Variants in PRDM10 observed in about 807,000 individuals in gnomAD.
PRDM10 encodes the protein PR/SET domain 10.
Under a neutral mutation model 133.1 loss-of-function variants are expected in PRDM10, and 65 were observed. The ratio of observed to expected loss-of-function variants is 0.49; its 90% CI spans 0.40 to 0.60. The LOEUF is 0.60. Ranked by LOEUF, PRDM10 falls within the 20% of genes least tolerant of loss-of-function variation. The probability of loss-of-function intolerance (pLI) is 0.00; values close to 1 mark genes in which losing one functional copy is unlikely to be tolerated. For missense variants in PRDM10, 1,137 were observed against 1,507.1 expected (o/e 0.75, Z 4.07); for synonymous variants, 582 against 580.4 (o/e 1.00, Z -0.04).
chr11:129,927,080 CCTGTAACCCCAGGG>C (rs1272721658), intron 11 of PRDM10, among the ~76,000 whole-genome samples: 1 of 147,554 alleles, frequency 6.8e-6, no homozygotes, highest in African/African-American at 2.5e-5. Context: ...GTAGCAGGCA[CCTGTAACCCCAGGG>C]CTGTAATCCC....
chr11:129,910,236 A>G lies in PRDM10; in HGVS notation c.3163+240T>C, dbSNP rs141143808. On this transcript the variant is annotated intron_variant, in intron 19 of 20. Coordinates refer to ENST00000360871, the MANE Select transcript of PRDM10 (RefSeq NM_199437.2). ...TCCAACTATCTTACTATTTAATTTC[A>G]TAGCTACATTTCCTCCAGCAATATA... Among the ~76,000 whole-genome samples, 301 of 152,356 alleles carry G rather than the reference A, an allele frequency of 2.0e-3. 1 individual carries two copies. The highest frequency in any genetic ancestry group is 7.0e-3 in the African/African-American group (291 of 41,586).
At position 129,945,089 on chromosome 11, in the gene PRDM10, G is replaced by A. The variant is rs747125951; in HGVS notation, c.521-77C>T. 1.3e-4 allele frequency: 207 copies of A among 1,556,666 alleles called. No individual in the cohort carries two copies. The highest frequency in any genetic ancestry group is 3.1e-4 in the Admixed American group (15 of 47,936). On this transcript the variant is annotated intron_variant, in intron 5 of 20. Transcript: ENST00000360871. The surrounding 1 kb of genome is among the most constrained non-coding windows in gnomAD (Gnocchi z 4.2). ...GATGTGAGGTAAAAAATTCTGACCCGAAAAATCCCCGTCTGCATTTTCAAG... is the reference window on the plus strand; with the variant it reads ...GATGTGAGGTAAAAAATTCTGACCCAAAAAATCCCCGTCTGCATTTTCAAG...
chr11:129,981,827 T>C (rs1233366472), intron 1 of PRDM10, among the ~76,000 whole-genome samples: 1 of 151,722 alleles, frequency 6.6e-6, no homozygotes, highest in African/African-American at 2.4e-5. Flanking sequence ...ACCTGGGAGG[T>C]GAAGGTTGCA....
intron 1 of PRDM10, among the ~76,000 whole-genome samples, chr11:130,001,288 C>A (rs1483111614): frequency 2.0e-5 from 3 of 151,432 alleles, no homozygotes; most frequent in Non-Finnish European, 4.4e-5. Flanking sequence ...TAGGAAGATA[C>A]AAAAAAAATA....
chr11:129,989,878 AGACT>A (rs771639910), intron 1 of PRDM10, among the ~76,000 whole-genome samples: 1 of 152,204 alleles, frequency 6.6e-6, no homozygotes, highest in Non-Finnish European at 1.5e-5. Context: ...TAGTTCAAAC[AGACT>A]GAACCAAGCC....
intron 20 of PRDM10, among the ~76,000 whole-genome samples, chr11:129,903,703 C>T (rs1269116527): frequency 6.6e-6 from 1 of 152,118 alleles, no homozygotes; most frequent in East Asian, 1.9e-4. Flanking sequence ...AGAGCCATCG[C>T]CAAATACCCA....
intron 1 of PRDM10, among the ~76,000 whole-genome samples, chr11:129,971,870 C>T (rs1285498106): frequency 1.3e-5 from 2 of 152,226 alleles, no homozygotes; most frequent in East Asian, 1.9e-4. Context: ...GGACTGGGTG[C>T]CGTAGAGCAG....
intron 10 of PRDM10, 83 bp downstream of exon 10, chr11:129,932,019 G>T: frequency 5.4e-6 from 8 of 1,484,436 alleles, no homozygotes; most frequent in Non-Finnish European, 7.3e-6. Flanking sequence ...CATTGGGAAG[G>T]TCTTTGTACT....
intron 1 of PRDM10, among the ~76,000 whole-genome samples, chr11:129,971,180 C>G (rs183258475): frequency 7.2e-5 from 11 of 152,064 alleles, no homozygotes; most frequent in Admixed American, 7.2e-4. Context: ...CAGTGTGAAC[C>G]CAGAAAGAGC....
At chr11:129,964,961 A>G (rs1591669647) in intron 1 of PRDM10, among the ~76,000 whole-genome samples, 1 of 152,244 alleles carries the variant, frequency 6.6e-6, no homozygotes, top group Non-Finnish European at 1.5e-5. Context: ...TATTTCACAA[A>G]CGAGCCATAC....
At position 129,947,966 on chromosome 11, in the gene PRDM10, C is replaced by T. The variant is rs936000097; in HGVS notation, c.295-596G>A. 1 of 448,580 alleles carries T rather than the reference C, an allele frequency of 2.2e-6. No homozygotes were observed. The highest frequency in any genetic ancestry group is 1.6e-5 in the South Asian group (1 of 63,312). 27.8% of individuals were successfully genotyped at this position (448,580 alleles called of 1,614,324 possible). A position where few individuals can be genotyped will look rare whatever the true frequency, so the allele number is the denominator to read the frequency against. ...ATCCTCAACCACTTGTCTTTTAAAA[C>T]TAAACACGTCGTGCAACACATGGTT... On this transcript the variant is annotated intron_variant, in intron 4 of 20. Coordinates refer to ENST00000360871, the MANE Select transcript of PRDM10 (RefSeq NM_199437.2). This position sits in a 1 kb window ranked among gnomAD's most constrained non-coding sequence, Gnocchi z 4.6.
At chr11:129,961,768 C>A (rs1235910493) in intron 1 of PRDM10, among the ~76,000 whole-genome samples, 1 of 151,896 alleles carries the variant, frequency 6.6e-6, no homozygotes, top group African/African-American at 2.4e-5. Flanking sequence ...TAAACACTCA[C>A]TGGGGGTGGG....
intron 1 of PRDM10, among the ~76,000 whole-genome samples, chr11:129,967,288 G>A (rs1396174785): frequency 6.6e-6 from 1 of 152,132 alleles, no homozygotes; most frequent in Non-Finnish European, 1.5e-5. Flanking sequence ...CTACTCAGGA[G>A]GCTGAGGCAG....
chr11:129,944,407 C>G (rs1049257980), intron 6 of PRDM10, among the ~76,000 whole-genome samples: 2 of 150,716 alleles, frequency 1.3e-5, no homozygotes, highest in Admixed American at 1.3e-4. Context: ...ACGGTGAAAC[C>G]CCGTCTCTAC....
rs1334537807 is a variant in PRDM10, at chr11:129,963,377, AAAAAGAGAGAAGAGAAGAGAAGAG to A, written c.-118-2319_-118-2296del. ...AACACAGAGAGACCCTGCTGAAAGA[AAAAAGAGAGAAGAGAAGAGAAGAG>A]AAGAGAAGAGAAGAGAAGAGAAGAG... On this transcript the variant is annotated intron_variant, in intron 1 of 20. Coordinates refer to ENST00000360871, the MANE Select transcript of PRDM10 (RefSeq NM_199437.2). Among the ~76,000 whole-genome samples the A allele has an allele frequency of 3.1e-5, 3 of 97,148 alleles. No individual in the cohort carries two copies. The Admixed American group carries it at 3.8e-4, about 12-fold the overall frequency. The allele number at this position is 97,148 out of a possible 152,430, so 63.7% of individuals were successfully genotyped here. A position where few individuals can be genotyped will look rare whatever the true frequency, so the allele number is the denominator to read the frequency against.
In PRDM10 at chr11:129,981,362, C is replaced by T. The variant is rs563036323; in HGVS notation, c.-118-20280G>A. ...ATTCCCTAGATATTGCCATTGCTGA[C>T]GTTTTAGTGTCTGTCTTTCCACTGA... is the stretch of plus-strand genomic sequence containing the variant. On this transcript the variant is annotated intron_variant, in intron 1 of 20. Coordinates refer to ENST00000360871, the MANE Select transcript of PRDM10 (RefSeq NM_199437.2). 5.9e-5 allele frequency among the ~76,000 whole-genome samples: 9 copies of T among 152,242 alleles called. No individual in the cohort carries two copies. The South Asian group carries it at 1.2e-3, about 21-fold the overall frequency.
chr11:129,914,350 C>A (rs927225061), intron 17 of PRDM10, among the ~76,000 whole-genome samples: 1 of 152,132 alleles, frequency 6.6e-6, no homozygotes, highest in African/African-American at 2.4e-5. Context: ...ACATTTGATA[C>A]GCAGGTCGTG....
intron 8 of PRDM10, 95 bp from the exon 9 acceptor site, chr11:129,935,313 A>G: frequency 1.1e-6 from 1 of 891,446 alleles, no homozygotes; most frequent in Non-Finnish European, 1.9e-6. Context: ...ATCTTGCTGC[A>G]GCCCAAAGAG....
chr11:129,956,303 C>CA (rs1951696316), intron 3 of PRDM10, among the ~76,000 whole-genome samples: 1 of 152,236 alleles, frequency 6.6e-6, no homozygotes, highest in South Asian at 2.1e-4. Flanking sequence ...CGCGGTGACT[C>CA]ACGCCTGTAA....
Sources: allele counts gnomAD v4.1 joint callset (sites outside exome capture counted in the v4.1 genomes callset), GRCh38; gene constraint gnomAD v4.1.1; non-coding constraint Gnocchi (gnomAD v3.1); transcripts MANE v1.5; gene names NCBI Gene and HGNC (gene_info 2026-07-23, HGNC 2026-07-21).